SYTL5: variants seen among roughly 807,000 people sequenced by gnomAD.
The protein encoded by SYTL5 is synaptotagmin-like protein 5.
In SYTL5, 34 loss-of-function variants were observed where a neutral mutation model predicts 55.9. The observed-to-expected ratio is 0.61, with a 90% CI of 0.46 to 0.81. The LOEUF (loss-of-function observed/expected upper bound fraction) is 0.81. Among genes scored for constraint, SYTL5 ranks in the 30% least tolerant of loss-of-function variants. SYTL5 has a pLI of 0.00. For missense variants in SYTL5, 637 were observed against 546.7 expected, an observed-to-expected ratio of 1.17 and a Z score of -1.65; for synonymous variants, 221 against 188.7, an observed-to-expected ratio of 1.17 and a Z score of -1.40.
the SYTL5 span, among the ~76,000 whole-genome samples, chrX:37,901,461 A>G: frequency 8.9e-6 from 1 of 111,981 alleles, no homozygotes; most frequent in East Asian, 2.8e-4. Flanking sequence ...ATGAGGGACA[A>G]CTATCTAACC....
chrX:37,919,490 T>C, the SYTL5 span, among the ~76,000 whole-genome samples: 3 of 111,866 alleles, frequency 2.7e-5, no homozygotes, highest in Admixed American at 2.9e-4. Context: ...CAATTCCCTT[T>C]GATCTAAGTA....
chrX:38,081,017 G>A (rs141020939), intron 6 of SYTL5, among the ~76,000 whole-genome samples: 4,779 of 112,042 alleles, frequency 0.043, 257 homozygotes, highest in African/African-American at 0.15. Flanking sequence ...ATGTTCAAAT[G>A]TATAGCATAT....
At chrX:37,891,564 A>G in the SYTL5 span, among the ~76,000 whole-genome samples, 2 of 111,762 alleles carry the variant, frequency 1.8e-5, no homozygotes, top group Non-Finnish European at 3.8e-5. Context: ...TGATGGCTGT[A>G]CAACTCTGTG....
chrX:37,963,342 G>A, the SYTL5 span, among the ~76,000 whole-genome samples: 3 of 102,986 alleles, frequency 2.9e-5, no homozygotes, highest in Admixed American at 1.1e-4. Flanking sequence ...AGGCTGGAGT[G>A]CAGTGGCGTG....
At chrX:38,122,011 T>C (rs1937576093) in intron 14 of SYTL5, 69 bp from the exon 15 acceptor site, 1 of 1,000,993 alleles carries the variant, frequency 1.0e-6, no homozygotes, top group Non-Finnish European at 1.3e-6. Context: ...AATTTTGAAA[T>C]GGAACTCATG....
At chrX:37,966,540 C>T in the SYTL5 span, among the ~76,000 whole-genome samples, 3 of 104,211 alleles carry the variant, frequency 2.9e-5, no homozygotes, top group South Asian at 4.5e-4. Flanking sequence ...CAGGATCAAG[C>T]GATTCTCCTG....
Position 38,119,567 on chromosome X carries a change from T to C in SYTL5, c.1597-791T>C, listed in dbSNP as rs190867349. Among the ~76,000 whole-genome samples the C allele has an allele frequency of 1.6e-3, 185 of 112,721 alleles. 4 individuals carry two copies. Among genetic ancestry groups the C allele is most frequent in the African/African-American group, 5.9e-3 (182 of 31,062 alleles). On this transcript the variant is annotated intron_variant, in intron 13 of 16. Coordinates refer to ENST00000297875, the MANE Select transcript of SYTL5 (RefSeq NM_138780.3). ...CATCGTATGAATGTACCACAGTTTG[T>C]TTAACCATTCACCTGTTGAAGGAAA... is the stretch of plus-strand genomic sequence containing the variant.
At chrX:37,920,726 G>A in the SYTL5 span, among the ~76,000 whole-genome samples, 1 of 110,997 alleles carries the variant, frequency 9.0e-6, no homozygotes, top group African/African-American at 3.3e-5. Context: ...TAGCTAAAAT[G>A]TTAGTTTCTG....
upstream of SYTL5, among the ~76,000 whole-genome samples, chrX:38,002,096 A>G (rs1933872859): frequency 9.3e-6 from 1 of 107,479 alleles, no homozygotes; most frequent in East Asian, 2.9e-4. Context: ...ATTCCCACCT[A>G]TGAGTGAGAA....
chrX:38,125,201 T>G, intron 15 of SYTL5, 97 bp from the exon 16 acceptor site: 1 of 721,770 alleles, frequency 1.4e-6, no homozygotes, highest in Middle Eastern at 3.3e-4. Context: ...TATAGAAGCC[T>G]GGGAAGGAAA....
chrX:38,026,254 T>C lies in SYTL5; in HGVS notation c.-356-7280T>C, dbSNP rs980909780. Among the ~76,000 whole-genome samples the C allele has an allele frequency of 2.7e-5, 3 of 112,488 alleles. No individual in the cohort carries two copies. In the South Asian group the frequency reaches 1.1e-3, roughly 42 times the overall value. On this transcript the variant is annotated intron_variant, in intron 1 of 16. Transcript: ENST00000297875. ...TATGCCTTGGTTCACTGTCTCCTTT[T>C]CTTCACCCTGTATTTCTCCGGAAGG...
rs991398645 is a variant in SYTL5 at position 38,125,083 on chromosome X, G to A, written c.1842-215G>A. Among the ~76,000 whole-genome samples, 3 of 111,604 alleles carry A rather than the reference G, an allele frequency of 2.7e-5. No individual in the cohort carries two copies. In the East Asian group the frequency reaches 8.4e-4, roughly 31 times the overall value. Reference sequence around the variant, plus strand: ...ACAGGAGGTATTTTCTTTTCAAGATGGAAGGAAGGACCTAAATAAGATTAG... The same window carrying A: ...ACAGGAGGTATTTTCTTTTCAAGATAGAAGGAAGGACCTAAATAAGATTAG... On this transcript the variant is annotated intron_variant, in intron 15 of 16. Coordinates refer to ENST00000297875, the MANE Select transcript of SYTL5 (RefSeq NM_138780.3).
At chrX:38,120,915 C>T (rs972034908) in intron 14 of SYTL5, among the ~76,000 whole-genome samples, 4 of 111,418 alleles carry the variant, frequency 3.6e-5, no homozygotes, top group African/African-American at 1.3e-4. Context: ...TTGTATTAAG[C>T]TGTTTTTGCA....
chrX:37,982,049 C>A, the SYTL5 span, among the ~76,000 whole-genome samples: 4 of 111,764 alleles, frequency 3.6e-5, no homozygotes, highest in East Asian at 5.6e-4. Context: ...AATCCATATA[C>A]CAGAAAAAAG....
At chrX:37,926,026 G>A in the SYTL5 span, among the ~76,000 whole-genome samples, 29 of 111,646 alleles carry the variant, frequency 2.6e-4, no homozygotes, top group African/African-American at 9.4e-4. Context: ...ATTTGGGCTG[G>A]TTCCATATTT....
the SYTL5 span, among the ~76,000 whole-genome samples, chrX:37,990,533 A>G: frequency 3.6e-5 from 4 of 112,467 alleles, no homozygotes; most frequent in African/African-American, 1.3e-4. Flanking sequence ...TTTTCCACTG[A>G]AGCACACATT....
At chrX:38,096,826 A>G (rs1402008730) in intron 9 of SYTL5, among the ~76,000 whole-genome samples, 1 of 111,479 alleles carries the variant, frequency 9.0e-6, no homozygotes, top group Non-Finnish European at 1.9e-5. Context: ...TCCAAAGCAC[A>G]CTAGGAAACT....
chrX:37,909,841 A>G, the SYTL5 span, among the ~76,000 whole-genome samples: 311 of 109,622 alleles, frequency 2.8e-3, 1 homozygote, highest in African/African-American at 9.5e-3. Flanking sequence ...CACGCGGCTG[A>G]TTTTTGTATT....
intron 16 of SYTL5, among the ~76,000 whole-genome samples, 166 bp downstream of exon 16, chrX:38,125,672 A>G (rs951855333): frequency 8.9e-6 from 1 of 112,832 alleles, no homozygotes; most frequent in African/African-American, 3.2e-5. Flanking sequence ...CATTGTTAAA[A>G]TACAAATATA....
Sources: allele counts gnomAD v4.1 joint callset (sites outside exome capture counted in the v4.1 genomes callset), GRCh38; gene constraint gnomAD v4.1.1; transcripts MANE v1.5; gene names NCBI Gene and HGNC (gene_info 2026-07-23, HGNC 2026-07-21).